The following SEMA6D variants were observed in gnomAD, a reference collection of about 807,000 sequenced individuals.
The protein encoded by SEMA6D is semaphorin-6D.
SEMA6D carries 35 observed loss-of-function variants against 106.6 expected under a neutral mutation model. That is an observed-to-expected ratio of 0.33 (90% CI 0.25 to 0.44). The LOEUF is 0.44. Ranked by LOEUF, SEMA6D falls within the 20% of genes least tolerant of loss-of-function variation. SEMA6D has a pLI of 1.00. For missense variants in SEMA6D, 1,185 were observed against 1,345.9 expected (o/e 0.88, Z 1.87); for synonymous variants, 499 against 487.7 (o/e 1.02, Z -0.31).
chr15:47,326,744 G>A (rs959825667), intron 1 of SEMA6D, among the ~76,000 whole-genome samples: 3 of 152,182 alleles, frequency 2.0e-5, no homozygotes, highest in Non-Finnish European at 4.4e-5. Context: ...GTATGTGTAT[G>A]TTGAAGTAAG....
chr15:47,483,264 C>T, intron 3 of SEMA6D, among the ~76,000 whole-genome samples: 1 of 152,152 alleles, frequency 6.6e-6, no homozygotes, highest in East Asian at 1.9e-4. Context: ...TAAAGACTCA[C>T]TAGCCATAGA....
intron 4 of SEMA6D, among the ~76,000 whole-genome samples, chr15:47,667,141 A>G (rs1779418956): frequency 6.6e-6 from 1 of 152,218 alleles, no homozygotes; most frequent in Admixed American, 6.5e-5. Context: ...CCCTTCTGCC[A>G]TGGCCTTTCC....
intron 3 of SEMA6D, among the ~76,000 whole-genome samples, chr15:47,539,706 G>A (rs1157395776): frequency 2.0e-5 from 3 of 152,088 alleles, no homozygotes; most frequent in Non-Finnish European, 2.9e-5. Context: ...TTATACCAAG[G>A]AAATAAATAT....
intron 4 of SEMA6D, among the ~76,000 whole-genome samples, chr15:47,616,580 GAA>G (rs55761524): frequency 7.0e-6 from 1 of 142,500 alleles, no homozygotes. Context: ...CTCCAAAGAG[GAA>G]AAAAAAAAAA....
chr15:47,382,601 A>G (rs994985250), intron 1 of SEMA6D, among the ~76,000 whole-genome samples: 2 of 152,368 alleles, frequency 1.3e-5, no homozygotes, highest in Non-Finnish European at 2.9e-5. Flanking sequence ...ATAGAACTGT[A>G]TAAGATCACA....
chr15:47,689,111 C>A (rs1236993396), intron 4 of SEMA6D, among the ~76,000 whole-genome samples: 2 of 152,166 alleles, frequency 1.3e-5, no homozygotes, highest in African/African-American at 4.8e-5. Flanking sequence ...CTTCCCATAC[C>A]TGGAAACAGA....
chr15:47,727,101 T>C, intron 1 of SEMA6D, among the ~76,000 whole-genome samples: 1 of 152,208 alleles, frequency 6.6e-6, no homozygotes, highest in African/African-American at 2.4e-5. Flanking sequence ...GTTGAAGGAC[T>C]AAACATGGAT....
At chr15:47,540,252 A>G (rs1042132980) in intron 3 of SEMA6D, among the ~76,000 whole-genome samples, 3 of 152,182 alleles carry the variant, frequency 2.0e-5, no homozygotes, top group Non-Finnish European at 4.4e-5. Context: ...CCACCCACAT[A>G]TAAACGAGAT....
intron 1 of SEMA6D, among the ~76,000 whole-genome samples, chr15:47,205,956 C>G (rs1895030617): frequency 6.6e-6 from 1 of 152,152 alleles, no homozygotes; most frequent in Non-Finnish European, 1.5e-5. Flanking sequence ...AGTTACACTT[C>G]TAAAATTATC....
chr15:47,660,830 C>T (rs749699695), intron 4 of SEMA6D, among the ~76,000 whole-genome samples: 1 of 151,990 alleles, frequency 6.6e-6, no homozygotes, highest in Non-Finnish European at 1.5e-5. Flanking sequence ...TAAGGGAGCA[C>T]GTTTTCAAAT....
chr15:47,645,553 A>C (rs1365526681), intron 4 of SEMA6D, among the ~76,000 whole-genome samples: 11 of 151,392 alleles, frequency 7.3e-5, no homozygotes, highest in African/African-American at 2.7e-4. Context: ...TCAACACAAC[A>C]CTTCTGACAC....
intron 1 of SEMA6D, among the ~76,000 whole-genome samples, chr15:47,752,092 A>G (rs1202277261): frequency 6.6e-6 from 1 of 152,188 alleles, no homozygotes; most frequent in Non-Finnish European, 1.5e-5. Flanking sequence ...AAAACCTTGA[A>G]GGCCACATTT....
chr15:47,509,409 A>G (rs2044150791), intron 3 of SEMA6D, among the ~76,000 whole-genome samples: 1 of 152,154 alleles, frequency 6.6e-6, no homozygotes, highest in South Asian at 2.1e-4. Context: ...TAGTGGCTTA[A>G]TTATCAAACC....
chr15:47,599,014 G>A (rs954652552), intron 3 of SEMA6D, among the ~76,000 whole-genome samples: 2 of 152,014 alleles, frequency 1.3e-5, no homozygotes, highest in African/African-American at 4.8e-5. Context: ...GTGGTCATGA[G>A]ACCACCTACC....
At chr15:47,610,917 CTA>C (rs112390541) in intron 4 of SEMA6D, among the ~76,000 whole-genome samples, 2 of 152,170 alleles carry the variant, frequency 1.3e-5, no homozygotes, top group African/African-American at 2.4e-5. Context: ...TAAGGAATGA[CTA>C]TATGTTATAT....
intron 1 of SEMA6D, among the ~76,000 whole-genome samples, chr15:47,400,216 G>A (rs551939519): frequency 1.7e-3 from 266 of 152,276 alleles, no homozygotes; most frequent in African/African-American, 6.1e-3. Context: ...TAGGCTGAGC[G>A]TGGTGGCTTA....
chr15:47,381,507 G>T (rs1459195728), intron 1 of SEMA6D, among the ~76,000 whole-genome samples: 1 of 152,128 alleles, frequency 6.6e-6, no homozygotes, highest in Non-Finnish European at 1.5e-5. Context: ...AGCTACACCT[G>T]TGGCCCTGGG....
chr15:47,465,202 C>T lies in SEMA6D; in HGVS notation c.-158-5272C>T, dbSNP rs566543811. Among the ~76,000 whole-genome samples, 20 of 152,252 alleles carry T rather than the reference C, an allele frequency of 1.3e-4. No individual in the cohort carries two copies. The East Asian group carries it at 3.7e-3, about 28-fold the overall frequency. On this transcript the variant is annotated intron_variant, in intron 2 of 19. Coordinates refer to the SEMA6D transcript ENST00000558014. ...AGGTAGTCAGTAGATGCATTTTGAC[C>T]AATGTGTATCTGGATTTGTAATGTG...
intron 2 of SEMA6D, among the ~76,000 whole-genome samples, chr15:47,427,212 A>T (rs1409746153): frequency 6.6e-6 from 1 of 152,134 alleles, no homozygotes; most frequent in African/African-American, 2.4e-5. Flanking sequence ...AGCATTGCCC[A>T]TCCTGTGTGT....
Sources: allele counts gnomAD v4.1 joint callset (sites outside exome capture counted in the v4.1 genomes callset), GRCh38; gene constraint gnomAD v4.1.1; transcripts MANE v1.5; gene names NCBI Gene and HGNC (gene_info 2026-07-23, HGNC 2026-07-21).